The following MYBL1 variants were observed in gnomAD, a reference collection of about 807,000 sequenced individuals.
MYBL1 encodes the protein myb-related protein A.
Under a neutral mutation model 96.3 loss-of-function variants are expected in MYBL1, and 17 were observed. The observed-to-expected ratio is 0.18, with a 90% CI of 0.12 to 0.26. The LOEUF is 0.26. Among genes scored for constraint, MYBL1 ranks in the 10% least tolerant of loss-of-function variants. The probability of loss-of-function intolerance (pLI) is 1.00; values close to 1 mark genes in which losing one functional copy is unlikely to be tolerated. For synonymous variants in MYBL1, 282 were observed against 292.7 expected, an observed-to-expected ratio of 0.96 and a Z score of 0.37; for missense variants, 701 against 882.9, an observed-to-expected ratio of 0.79 and a Z score of 2.61.
Position 66,612,869 on chromosome 8 carries a change from C to A in MYBL1, c.-31G>T, listed in dbSNP as rs933255603. The A allele has an allele frequency of 2.2e-6, 3 of 1,345,736 alleles. No homozygotes were observed. Among genetic ancestry groups the A allele is most frequent in the Non-Finnish European group, 2.9e-6 (3 of 1,038,602 alleles). 83.4% of individuals were successfully genotyped at this position (1,345,736 alleles called of 1,614,324 possible). ...AAGTACCGCATAGGAGCAGGCTGGG[C>A]GGGGACGCGGGTCAGCCTCCTCCAG... On this transcript the variant is annotated 5_prime_UTR_variant, in exon 1 of 16. Coordinates refer to ENST00000522677, the MANE Select transcript of MYBL1 (RefSeq NM_001080416.4).
chr8:66,591,359 A>AAT (rs958793506), intron 8 of MYBL1, among the ~76,000 whole-genome samples: 8 of 151,492 alleles, frequency 5.3e-5, no homozygotes, highest in African/African-American at 1.9e-4. Context: ...AAAAAAAAAA[A>AAT]TTTTTTTTTA....
At chr8:66,583,715 G>T (rs1172919614) in intron 8 of MYBL1, among the ~76,000 whole-genome samples, 2 of 152,198 alleles carry the variant, frequency 1.3e-5, no homozygotes, top group African/African-American at 4.8e-5. Flanking sequence ...AAACTTACCA[G>T]AAATGGATAA....
At position 66,575,996 on chromosome 8, in the gene MYBL1, AAC is replaced by A; in HGVS notation, c.1470+9_1470+10del. 1 of 1,598,334 alleles carries A rather than the reference AAC, an allele frequency of 6.3e-7. No individual in the cohort carries two copies. The highest frequency in any genetic ancestry group is 8.5e-7 in the Non-Finnish European group (1 of 1,170,494). ...GACATTTAGAAACATAAACAAAATG[AAC>A]ACCACTACCTGTGAAGGAGAAAATG... On this transcript the variant is annotated intron_variant, in intron 10 of 15. Transcript: ENST00000522677.
At chr8:66,611,664 G>C (rs1810532533) in intron 1 of MYBL1, among the ~76,000 whole-genome samples, 1 of 152,180 alleles carries the variant, frequency 6.6e-6, no homozygotes, top group Non-Finnish European at 1.5e-5. Flanking sequence ...CATCTCAAGA[G>C]TTTGTCCTAT....
chr8:66,583,812 G>A (rs1244004026), intron 8 of MYBL1, among the ~76,000 whole-genome samples: 6 of 152,126 alleles, frequency 3.9e-5, no homozygotes, highest in Admixed American at 3.9e-4. Flanking sequence ...AAGACTGAAT[G>A]TGCAATAAAA....
chr8:66,593,323 A>C, intron 6 of MYBL1, 129 bp from the exon 7 acceptor site: 1 of 548,478 alleles, frequency 1.8e-6, no homozygotes, highest in Non-Finnish European at 3.3e-6. Context: ...ATTAATTTTG[A>C]AATGTTATAC....
chr8:66,576,687 C>A (rs977432605), intron 9 of MYBL1, among the ~76,000 whole-genome samples: 8 of 152,190 alleles, frequency 5.3e-5, no homozygotes, highest in African/African-American at 1.9e-4. Flanking sequence ...TAAAACTTCA[C>A]ATTCTACTGC....
rs1051596352 is a variant in MYBL1 at position 66,610,111 on chromosome 8, CTTACT to C, written c.20+2703_20+2707del. Among the ~76,000 whole-genome samples, 8 of 151,884 alleles carry C rather than the reference CTTACT, an allele frequency of 5.3e-5. No individual in the cohort carries two copies. The East Asian group carries it at 5.8e-4, about 11-fold the overall frequency. On this transcript the variant is annotated intron_variant, in intron 1 of 15. Transcript: ENST00000522677. The stretch of plus-strand genomic sequence containing the variant: ...GGTTTCTAAATGACATTTTTTAAAG[CTTACT>C]TTAAAGGGTAAAACTGACTTTCGAA...
At chr8:66,609,881 C>T (rs1374915428) in intron 1 of MYBL1, among the ~76,000 whole-genome samples, 5 of 151,920 alleles carry the variant, frequency 3.3e-5, no homozygotes, top group Non-Finnish European at 7.4e-5. Flanking sequence ...ATGACAAAAC[C>T]GATTAAAAGA....
chr8:66,609,439 CT>C (rs1472883981), intron 1 of MYBL1, among the ~76,000 whole-genome samples: 1 of 151,666 alleles, frequency 6.6e-6, no homozygotes, highest in Non-Finnish European at 1.5e-5. Context: ...AAAAAAAAAT[CT>C]TTATTATACA....
At chr8:66,567,815 C>A (rs1289429732) in intron 12 of MYBL1, among the ~76,000 whole-genome samples, 2 of 151,844 alleles carry the variant, frequency 1.3e-5, no homozygotes, top group African/African-American at 4.8e-5. Flanking sequence ...GCCTGTAATC[C>A]CACTTTGGGA....
intron 1 of MYBL1, chr8:66,612,037 G>T (rs1810550569): frequency 1.3e-5 from 2 of 152,158 alleles, no homozygotes; most frequent in African/African-American, 4.8e-5. Flanking sequence ...ACGAAAATTA[G>T]ATGCATAAAT....
intron 4 of MYBL1, among the ~76,000 whole-genome samples, chr8:66,597,928 C>G (rs370706085): frequency 6.7e-6 from 1 of 149,246 alleles, no homozygotes; most frequent in Admixed American, 6.7e-5. Context: ...AAAGATTCTA[C>G]CAAGTTATTG....
chr8:66,612,746 G>A (rs2130105928), intron 1 of MYBL1, 73 bp downstream of exon 1: 2 of 1,318,910 alleles, frequency 1.5e-6, no homozygotes, highest in South Asian at 2.5e-5. Flanking sequence ...TGGCGGGAGG[G>A]GGCAGCGGGA....
intron 12 of MYBL1, among the ~76,000 whole-genome samples, chr8:66,568,086 A>G (rs960077387): frequency 2.6e-5 from 4 of 151,852 alleles, no homozygotes; most frequent in African/African-American, 9.7e-5. Flanking sequence ...ACAAAAAACA[A>G]AAAAACACCA....
chr8:66,611,231 T>C (rs539060024), intron 1 of MYBL1, among the ~76,000 whole-genome samples: 1 of 152,324 alleles, frequency 6.6e-6, no homozygotes, highest in Admixed American at 6.5e-5. Flanking sequence ...TTAACATCAA[T>C]ACTGATAAGT....
intron 8 of MYBL1, among the ~76,000 whole-genome samples, chr8:66,584,977 G>A (rs759384149): frequency 1.6e-4 from 25 of 151,892 alleles, no homozygotes; most frequent in Non-Finnish European, 3.1e-4. Flanking sequence ...AGTAATCTAC[G>A]GTTCAGTGCA....
rs189177235 is a variant in MYBL1 at position 66,569,582 on chromosome 8, C to T, written c.1729-2590G>A. ...CCCAGGCTGGTCTTGAATTCCTGAG[C>T]TCAAATGATCTGCCTGTCTTGATCT... On this transcript the variant is annotated intron_variant, in intron 12 of 15. Coordinates refer to ENST00000522677, the MANE Select transcript of MYBL1 (RefSeq NM_001080416.4). Among the ~76,000 whole-genome samples, 32 of 152,228 alleles carry T rather than the reference C, an allele frequency of 2.1e-4. No individual in the cohort carries two copies. In the East Asian group the frequency reaches 6.2e-3, roughly 29 times the overall value.
chr8:66,577,742 T>C (rs1809022748), intron 9 of MYBL1, among the ~76,000 whole-genome samples: 1 of 152,114 alleles, frequency 6.6e-6, no homozygotes, highest in South Asian at 2.1e-4. Context: ...AAAGTTCATA[T>C]GGAACCAAAA....
Sources: gnomAD v4.1 joint callset for allele counts (sites outside exome capture counted in the v4.1 genomes callset) on GRCh38, gnomAD v4.1.1 for gene constraint, MANE v1.5 for transcripts, NCBI Gene and HGNC (gene_info 2026-07-23, HGNC 2026-07-21) for gene names.